Variants in NCAM2 observed in about 807,000 individuals in gnomAD.
NCAM2 encodes neural cell adhesion molecule 2, also known as N-CAM-2.
NCAM2 carries 30 observed loss-of-function variants against 98.1 expected under a neutral mutation model. The ratio of observed to expected loss-of-function variants is 0.31; its 90% CI spans 0.23 to 0.41. NCAM2 has a LOEUF of 0.41. Among genes scored for constraint, NCAM2 ranks in the 10% least tolerant of loss-of-function variants. NCAM2 has a pLI of 1.00. For missense variants in NCAM2, 867 were observed against 1,005.8 expected, an observed-to-expected ratio of 0.86 and a Z score of 1.87; for synonymous variants, 368 against 342.4, an observed-to-expected ratio of 1.07 and a Z score of -0.83.
intron 16 of NCAM2, among the ~76,000 whole-genome samples, chr21:21,528,052 G>A (rs1989424608): frequency 6.6e-6 from 1 of 152,174 alleles, no homozygotes; most frequent in African/African-American, 2.4e-5. Context: ...AGACATGGAG[G>A]AAACTTAGAT....
chr21:21,342,096 C>T lies in NCAM2; in HGVS notation c.1044+3562C>T, dbSNP rs137887850. ...GTCCAACTGTGGTATGTTGGAAGAC[C>T]TTCCTCCCCATGGAATAAATGATTA... On this transcript the variant is annotated intron_variant, in intron 8 of 17. Transcript: ENST00000400546. Among the ~76,000 whole-genome samples the T allele has an allele frequency of 4.1e-3, 617 of 152,260 alleles. 3 individuals are homozygous for T. Among genetic ancestry groups the T allele is most frequent in the African/African-American group, 0.015 (603 of 41,538 alleles).
chr21:21,252,340 C>A (rs2071505282), intron 1 of NCAM2, among the ~76,000 whole-genome samples: 1 of 150,306 alleles, frequency 6.7e-6, no homozygotes, highest in African/African-American at 2.4e-5. Context: ...TCCAAATATG[C>A]CCTTAAAATA....
intron 16 of NCAM2, among the ~76,000 whole-genome samples, chr21:21,515,502 A>G (rs1009853783): frequency 6.6e-5 from 10 of 151,842 alleles, no homozygotes; most frequent in Non-Finnish European, 1.2e-4. Context: ...AATTTTAAAC[A>G]TAATTATTTT....
At chr21:21,329,238 C>T (rs1039359859) in intron 6 of NCAM2, among the ~76,000 whole-genome samples, 21 of 151,980 alleles carry the variant, frequency 1.4e-4, no homozygotes, top group African/African-American at 7.2e-5. Context: ...TGAGCCACCA[C>T]GCCTAGCAAA....
intron 9 of NCAM2, among the ~76,000 whole-genome samples, chr21:21,398,840 A>T (rs977309733): frequency 1.3e-5 from 2 of 152,198 alleles, no homozygotes; most frequent in Non-Finnish European, 2.9e-5. Flanking sequence ...TTGACACCCT[A>T]TTATAACCAA....
rs139983485 is a variant in NCAM2 at position 21,492,868 on chromosome 21, A to T, written c.2077+15397A>T. Among the ~76,000 whole-genome samples the T allele has an allele frequency of 3.7e-4, 57 of 152,026 alleles. 1 individual carries two copies. Among genetic ancestry groups the T allele is most frequent in the Non-Finnish European group, 2.9e-5 (2 of 67,826 alleles). On this transcript the variant is annotated intron_variant, in intron 15 of 17. Coordinates refer to ENST00000400546, the MANE Select transcript of NCAM2 (RefSeq NM_004540.5). ...AATGTGGTTAAATAAAAAATAAATT[A>T]TCTTCAAATTGGCATTTCTGTTTTA...
chr21:21,090,006 G>C (rs2065980531), intron 1 of NCAM2, among the ~76,000 whole-genome samples: 1 of 152,118 alleles, frequency 6.6e-6, no homozygotes, highest in African/African-American at 2.4e-5. Flanking sequence ...TGCAAGGACT[G>C]GGGGTGGGAA....
chr21:21,036,468 T>C (rs543800156), intron 1 of NCAM2, among the ~76,000 whole-genome samples: 2 of 152,306 alleles, frequency 1.3e-5, no homozygotes, highest in East Asian at 3.9e-4. Context: ...ACTTTGATAA[T>C]TTCTGTCTAT....
intron 5 of NCAM2, among the ~76,000 whole-genome samples, chr21:21,309,186 C>G (rs1398470096): frequency 1.3e-5 from 2 of 152,160 alleles, no homozygotes; most frequent in East Asian, 3.8e-4. Flanking sequence ...ATTTTATCCT[C>G]ATTATATCTT....
chr21:21,018,085 CTAAAACA>C (rs1343218156), intron 1 of NCAM2, among the ~76,000 whole-genome samples: 1 of 152,150 alleles, frequency 6.6e-6, no homozygotes, highest in Non-Finnish European at 1.5e-5. Flanking sequence ...GTACTTCATT[CTAAAACA>C]TTGGACTCAT....
chr21:21,105,028 C>T (rs1230300716), intron 1 of NCAM2, among the ~76,000 whole-genome samples: 1 of 152,040 alleles, frequency 6.6e-6, no homozygotes, highest in African/African-American at 2.4e-5. Flanking sequence ...AGGTTGCTAC[C>T]CTAGCCAACA....
rs965665656 is a variant in NCAM2, at chr21:21,539,574, A to T, written c.*1617A>T. ...GTGCTTGAAACTCAGCCAAGGAGAGAAAACTAAGTACTTTTATATAATTCA... is the reference window on the plus strand; with the variant it reads ...GTGCTTGAAACTCAGCCAAGGAGAGTAAACTAAGTACTTTTATATAATTCA... On this transcript the variant is annotated 3_prime_UTR_variant, in exon 18 of 18. Transcript: ENST00000400546. 6.6e-6 allele frequency: 1 copy of T among 152,194 alleles called. No homozygotes were observed. Among genetic ancestry groups the T allele is most frequent in the South Asian group, 2.1e-4 (1 of 4,834 alleles). 9.4% of individuals were successfully genotyped at this position (152,194 alleles called of 1,614,324 possible).
intron 2 of NCAM2, among the ~76,000 whole-genome samples, chr21:21,282,300 A>T (rs1351230575): frequency 6.6e-6 from 1 of 151,932 alleles, no homozygotes; most frequent in Admixed American, 6.6e-5. Flanking sequence ...AATATATTGC[A>T]CAGACTAATT....
intron 5 of NCAM2, among the ~76,000 whole-genome samples, chr21:21,295,881 C>A (rs2073459977): frequency 6.6e-6 from 1 of 151,644 alleles, no homozygotes; most frequent in African/African-American, 2.4e-5. Flanking sequence ...AATTTAAGCA[C>A]CATCTGACCT....
intron 1 of NCAM2, among the ~76,000 whole-genome samples, chr21:21,191,773 A>G (rs1038841197): frequency 6.6e-6 from 1 of 152,212 alleles, no homozygotes; most frequent in Non-Finnish European, 1.5e-5. Flanking sequence ...AAAGCCAGGC[A>G]CTGAAAATAC....
At chr21:21,221,604 C>T (rs942274038) in intron 1 of NCAM2, among the ~76,000 whole-genome samples, 16 of 152,194 alleles carry the variant, frequency 1.1e-4, no homozygotes, top group African/African-American at 2.9e-4. Context: ...TTGCCTAATC[C>T]GGAGCAATAC....
intron 12 of NCAM2, among the ~76,000 whole-genome samples, chr21:21,442,521 T>C (rs1046164561): frequency 4.6e-5 from 7 of 152,196 alleles, no homozygotes; most frequent in African/African-American, 1.4e-4. Flanking sequence ...CTTAAACTGA[T>C]GTCTTTAATC....
intron 9 of NCAM2, among the ~76,000 whole-genome samples, chr21:21,405,169 T>C (rs1277784560): frequency 1.3e-5 from 2 of 152,058 alleles, no homozygotes; most frequent in African/African-American, 4.8e-5. Context: ...TTTTGTTATT[T>C]ATTTATGGTA....
In NCAM2 at chr21:21,466,643, T is replaced by G. The variant is rs370058893; in HGVS notation, c.1692T>G (p.Thr564=). Reference sequence around the variant, plus strand: ...TGAACAACCTGGAACCAAATACAACTTATGAAATCAGGGTTGCAGCTGTAA... The same window carrying G: ...TGAACAACCTGGAACCAAATACAACGTATGAAATCAGGGTTGCAGCTGTAA... The part of the protein sequence containing the change: ...VVLNNLEPNT[T]YEIRVAAVNG... The change falls in exon 13 of 18, where the codon ACT becomes ACG. Residue 564 remains threonine (T), a synonymous_variant. Coordinates refer to ENST00000400546, the MANE Select transcript of NCAM2 (RefSeq NM_004540.5). 2 of 1,608,622 alleles carry G rather than the reference T, an allele frequency of 1.2e-6. No individual in the cohort carries two copies. Among genetic ancestry groups the G allele is most frequent in the African/African-American group, 2.7e-5 (2 of 74,708 alleles).
Sources: allele counts gnomAD v4.1 joint callset (sites outside exome capture counted in the v4.1 genomes callset), GRCh38; gene constraint gnomAD v4.1.1; transcripts MANE v1.5; gene names NCBI Gene and HGNC (gene_info 2026-07-23, HGNC 2026-07-21).